Variants in SLIT2 observed in about 807,000 individuals in gnomAD.
The protein encoded by SLIT2 is slit guidance ligand 2.
SLIT2 carries 41 observed loss-of-function variants against 185.7 expected under a neutral mutation model. The ratio of observed to expected loss-of-function variants is 0.22; its 90% CI spans 0.17 to 0.29. The LOEUF (loss-of-function observed/expected upper bound fraction) is 0.29. Ranked by LOEUF, SLIT2 falls within the 10% of genes least tolerant of loss-of-function variation. The pLI, the probability that SLIT2 is intolerant of heterozygous loss-of-function variation, is 1.00. For missense variants in SLIT2, 1,571 were observed against 1,909.0 expected, an observed-to-expected ratio of 0.82 and a Z score of 3.30; for synonymous variants, 693 against 680.2, an observed-to-expected ratio of 1.02 and a Z score of -0.29.
chr4:20,477,490 C>T (rs572571180), intron 5 of SLIT2, among the ~76,000 whole-genome samples: 9 of 152,234 alleles, frequency 5.9e-5, no homozygotes, highest in Non-Finnish European at 7.4e-5. Flanking sequence ...TGAGCCACCA[C>T]GCCTAGCCGA....
At chr4:20,524,235 A>C (rs775445697) in intron 14 of SLIT2, 58 bp downstream of exon 14, 9 of 1,543,254 alleles carry the variant, frequency 5.8e-6, no homozygotes, top group Non-Finnish European at 8.0e-6. Context: ...CATGAGACCT[A>C]ACAAAAGCAG....
At chr4:20,486,078 T>A in intron 6 of SLIT2, 122 bp from the exon 7 acceptor site, 2 of 664,398 alleles carry the variant, frequency 3.0e-6, no homozygotes, top group Non-Finnish European at 5.5e-6. Flanking sequence ...ATTCTCTATG[T>A]CATCTCTACC....
rs572538528 is a variant in SLIT2, at chr4:20,314,479, A to G, written c.395+45598A>G. On this transcript the variant is annotated intron_variant, in intron 4 of 36. Transcript: ENST00000504154. The stretch of plus-strand genomic sequence containing the variant: ...AGGCTCTGTTCTAGGTTTCTGAGAT[A>G]CATGACTTAATAAAACAAAACCTCT... 3.9e-5 allele frequency among the ~76,000 whole-genome samples: 6 copies of G among 152,340 alleles called. No homozygotes were observed. The South Asian group carries it at 8.3e-4, about 21-fold the overall frequency.
intron 4 of SLIT2, among the ~76,000 whole-genome samples, chr4:20,292,545 ACT>A (rs1370500593): frequency 1.3e-5 from 2 of 152,074 alleles, no homozygotes; most frequent in African/African-American, 4.8e-5. Context: ...AAGGAGAAAC[ACT>A]CTGACATAGT....
intron 4 of SLIT2, among the ~76,000 whole-genome samples, chr4:20,381,519 A>C (rs906836856): frequency 6.6e-6 from 1 of 151,910 alleles, no homozygotes; most frequent in African/African-American, 2.4e-5. Flanking sequence ...CCCTTTTTTC[A>C]TGTCTTCTCT....
rs917660364 is a variant in SLIT2 at position 20,384,912 on chromosome 4, A to G, written c.396-82840A>G. ...CTGGCCATAGGAGCAAGTAAACAAAACATTTTCATGGGTGCAAGATAGATG... is the reference window on the plus strand; with the variant it reads ...CTGGCCATAGGAGCAAGTAAACAAAGCATTTTCATGGGTGCAAGATAGATG... On this transcript the variant is annotated intron_variant, in intron 4 of 36. Coordinates refer to ENST00000504154, the MANE Select transcript of SLIT2 (RefSeq NM_004787.4). 2.0e-5 allele frequency among the ~76,000 whole-genome samples: 3 copies of G among 152,316 alleles called. No homozygotes were observed. The East Asian group carries it at 5.8e-4, about 29-fold the overall frequency.
intron 4 of SLIT2, among the ~76,000 whole-genome samples, chr4:20,360,073 A>T (rs1722621424): frequency 6.6e-6 from 1 of 152,114 alleles, no homozygotes; most frequent in Non-Finnish European, 1.5e-5. Context: ...AGATCAGGTC[A>T]TGTGACAGGA....
intron 5 of SLIT2, among the ~76,000 whole-genome samples, chr4:20,474,767 A>G (rs1218566489): frequency 6.6e-6 from 1 of 152,068 alleles, no homozygotes; most frequent in Non-Finnish European, 1.5e-5. Context: ...TTCTCATTAG[A>G]TAATTTTAAC....
In SLIT2 at chr4:20,306,221, G is replaced by A. The variant is rs572900736; in HGVS notation, c.395+37340G>A. On this transcript the variant is annotated intron_variant, in intron 4 of 36. Transcript: ENST00000504154. ...ACACGGGGAGAAAGGGGACTGGTCA[G>A]TGGAGAAGGATGCTGGCATCTCTGA... 1.0e-3 allele frequency among the ~76,000 whole-genome samples: 154 copies of A among 152,292 alleles called. 2 individuals are homozygous for A. The highest frequency in any genetic ancestry group is 3.6e-3 in the African/African-American group (149 of 41,566).
intron 4 of SLIT2, among the ~76,000 whole-genome samples, chr4:20,412,219 T>A (rs1560400830): frequency 6.6e-6 from 1 of 151,802 alleles, no homozygotes; most frequent in East Asian, 1.9e-4. Flanking sequence ...AAAAAAAGAA[T>A]GCTCACGTTC....
chr4:20,471,802 A>C (rs1715055406), intron 5 of SLIT2, among the ~76,000 whole-genome samples: 1 of 152,156 alleles, frequency 6.6e-6, no homozygotes, highest in Non-Finnish European at 1.5e-5. Context: ...CCCTTCCTCC[A>C]GGCAAGCCAC....
At chr4:20,298,709 G>A (rs1340893990) in intron 4 of SLIT2, among the ~76,000 whole-genome samples, 2 of 152,212 alleles carry the variant, frequency 1.3e-5, no homozygotes, top group African/African-American at 4.8e-5. Flanking sequence ...ACACAATGAG[G>A]ATATGACAGA....
At chr4:20,369,862 C>G (rs545597224) in intron 4 of SLIT2, among the ~76,000 whole-genome samples, 2 of 152,218 alleles carry the variant, frequency 1.3e-5, no homozygotes, top group Admixed American at 6.5e-5. Flanking sequence ...TTGATATCTT[C>G]TTAGAGACTC....
intron 5 of SLIT2, among the ~76,000 whole-genome samples, chr4:20,477,591 T>G (rs958624564): frequency 3.9e-5 from 6 of 152,066 alleles, no homozygotes; most frequent in Non-Finnish European, 2.9e-5. Context: ...AAGGATCACA[T>G]AGAGAGGTAA....
At position 20,533,626 on chromosome 4, in the gene SLIT2, A is replaced by G. The variant is rs756174540; in HGVS notation, c.1743A>G (p.Ala581=). The change falls in exon 18 of 37, where the codon GCA becomes GCG. Residue 581 remains alanine (A), a synonymous_variant. Coordinates refer to ENST00000504154, the MANE Select transcript of SLIT2 (RefSeq NM_004787.4). ...TTGAGGAGGGAGCATTTGAAGGAGCATCTGGTGTAAATGAAATACTTCTTA... is the reference window on the plus strand; with the variant it reads ...TTGAGGAGGGAGCATTTGAAGGAGCGTCTGGTGTAAATGAAATACTTCTTA... The part of the protein sequence containing the change: ...TDIEEGAFEG[A]SGVNEILLTS... 1 of 1,611,076 alleles carries G rather than the reference A, an allele frequency of 6.2e-7. No individual in the cohort carries two copies. Among genetic ancestry groups the G allele is most frequent in the South Asian group, 1.1e-5 (1 of 91,016 alleles).
At chr4:20,402,990 G>A (rs1393943085) in intron 4 of SLIT2, among the ~76,000 whole-genome samples, 1 of 151,524 alleles carries the variant, frequency 6.6e-6, no homozygotes, top group Non-Finnish European at 1.5e-5. Context: ...CATTATAATA[G>A]TGCATTTAAT....
Position 20,452,669 on chromosome 4 carries a change from T to C in SLIT2, c.396-15083T>C, listed in dbSNP as rs962586183. 1.1e-4 allele frequency among the ~76,000 whole-genome samples: 16 copies of C among 152,202 alleles called. 1 individual carries two copies. The highest frequency in any genetic ancestry group is 2.2e-4 in the African/African-American group (9 of 41,442). On this transcript the variant is annotated intron_variant, in intron 4 of 36. Coordinates refer to ENST00000504154, the MANE Select transcript of SLIT2 (RefSeq NM_004787.4). ...TGGGTATGGAAAGAAACCCTTCTCT[T>C]TCTTTCTTACTCCAACACAGCTTTC... is the stretch of plus-strand genomic sequence containing the variant.
chr4:20,545,850 A>G (rs556424377), intron 21 of SLIT2, among the ~76,000 whole-genome samples, 181 bp from the exon 22 acceptor site: 11 of 151,338 alleles, frequency 7.3e-5, no homozygotes, highest in Admixed American at 2.0e-4. Context: ...ACTCGTGGAC[A>G]ACTCTGCTTT....
intron 4 of SLIT2, among the ~76,000 whole-genome samples, chr4:20,333,882 A>G (rs1257131418): frequency 6.6e-6 from 1 of 152,148 alleles, no homozygotes; most frequent in East Asian, 1.9e-4. Context: ...CTAGTTAGAA[A>G]TGTTTGTCAA....
Sources: allele counts gnomAD v4.1 joint callset (sites outside exome capture counted in the v4.1 genomes callset), GRCh38; gene constraint gnomAD v4.1.1; transcripts MANE v1.5; gene names NCBI Gene and HGNC (gene_info 2026-07-23, HGNC 2026-07-21).